RGS21: variants seen among roughly 807,000 people sequenced by gnomAD.
The protein encoded by RGS21 is regulator of G protein signaling 21.
Under a neutral mutation model 18.7 loss-of-function variants are expected in RGS21, and 19 were observed. The observed-to-expected ratio is 1.01, with a 90% CI of 0.71 to 1.49. RGS21 has a LOEUF of 1.49. Ranked by LOEUF, RGS21 falls within the 40% of genes most tolerant of loss-of-function variation. RGS21 has a pLI of 0.00. For synonymous variants in RGS21, 56 were observed against 57.8 expected (o/e 0.97, Z 0.14); for missense variants, 194 against 176.8 (o/e 1.10, Z -0.55).
At chr1:192,322,981 G>T (rs1008711687) in intron 1 of RGS21, among the ~76,000 whole-genome samples, 4 of 152,032 alleles carry the variant, frequency 2.6e-5, no homozygotes, top group African/African-American at 9.7e-5. Context: ...TATTAAGGGG[G>T]CGGGGATGGA....
intron 2 of RGS21, among the ~76,000 whole-genome samples, chr1:192,343,353 T>C (rs2102230157): frequency 6.6e-6 from 1 of 152,198 alleles, no homozygotes; most frequent in East Asian, 1.9e-4. Context: ...TACATGATTC[T>C]TGCAAAAATT....
At chr1:192,332,620 TA>T (rs1432701616) in intron 1 of RGS21, among the ~76,000 whole-genome samples, 1 of 152,086 alleles carries the variant, frequency 6.6e-6, no homozygotes, top group Non-Finnish European at 1.5e-5. Flanking sequence ...TTACCAAAAT[TA>T]AAAACCTTTG....
chr1:192,329,003 T>C, intron 1 of RGS21, among the ~76,000 whole-genome samples: 1 of 152,104 alleles, frequency 6.6e-6, no homozygotes, highest in Non-Finnish European at 1.5e-5. Context: ...TTCTCATAGA[T>C]CAACTTTACA....
At chr1:192,338,440 T>C (rs760840412) in intron 1 of RGS21, among the ~76,000 whole-genome samples, 3 of 152,144 alleles carry the variant, frequency 2.0e-5, no homozygotes, top group Non-Finnish European at 2.9e-5. Context: ...TTTCCTATTA[T>C]AATTTGAATA....
intron 4 of RGS21, among the ~76,000 whole-genome samples, chr1:192,361,968 G>A (rs1329178261): frequency 1.3e-5 from 2 of 152,082 alleles, no homozygotes; most frequent in African/African-American, 4.8e-5. Flanking sequence ...TGATAAAGGT[G>A]GAAGACAAAC....
At chr1:192,363,445 T>A (rs568951501) in intron 4 of RGS21, among the ~76,000 whole-genome samples, 3 of 152,228 alleles carry the variant, frequency 2.0e-5, no homozygotes, top group Admixed American at 2.0e-4. Context: ...AACAATATAG[T>A]TAATTGAAGA....
At chr1:192,333,368 T>C (rs1369706206) in intron 1 of RGS21, among the ~76,000 whole-genome samples, 1 of 151,840 alleles carries the variant, frequency 6.6e-6, no homozygotes, top group Non-Finnish European at 1.5e-5. Context: ...TGTATGTCTA[T>C]ACAAACACCT....
intron 1 of RGS21, among the ~76,000 whole-genome samples, chr1:192,333,381 A>G (rs191082751): frequency 1.1e-4 from 17 of 152,110 alleles, no homozygotes; most frequent in South Asian, 6.2e-4. Context: ...AAACACCTAC[A>G]CTATTCATAG....
intron 3 of RGS21, among the ~76,000 whole-genome samples, chr1:192,351,124 C>T (rs1571460006): frequency 6.6e-6 from 1 of 151,898 alleles, no homozygotes; most frequent in African/African-American, 2.4e-5. Flanking sequence ...AAGGATAATA[C>T]CTGGGAGGAG....
At chr1:192,320,771 G>A (rs1239370707) in intron 1 of RGS21, among the ~76,000 whole-genome samples, 3 of 151,854 alleles carry the variant, frequency 2.0e-5, no homozygotes, top group Non-Finnish European at 4.4e-5. Context: ...AAGAAACAAA[G>A]CAAATTTAGA....
In RGS21 at chr1:192,328,222, G is replaced by A. The variant is rs181510689; in HGVS notation, c.-61+11117G>A. 4.7e-4 allele frequency among the ~76,000 whole-genome samples: 71 copies of A among 152,208 alleles called. 1 individual carries two copies. The East Asian group carries it at 0.013, about 28-fold the overall frequency. On this transcript the variant is annotated intron_variant, in intron 1 of 4. Coordinates refer to ENST00000417209, the MANE Select transcript of RGS21 (RefSeq NM_001039152.3). ...CCAGGCTGGGCATGGCTCCGAGGGCGGCCAGGGACAGACGTATGATACAAG... is the reference window on the plus strand; with the variant it reads ...CCAGGCTGGGCATGGCTCCGAGGGCAGCCAGGGACAGACGTATGATACAAG...
chr1:192,318,932 C>T (rs1251601126), intron 1 of RGS21, among the ~76,000 whole-genome samples: 1 of 151,892 alleles, frequency 6.6e-6, no homozygotes, highest in Admixed American at 6.6e-5. Context: ...GAATAAAATC[C>T]ATTTTAAGAG....
At chr1:192,333,990 T>A (rs1658728202) in intron 1 of RGS21, among the ~76,000 whole-genome samples, 2 of 152,172 alleles carry the variant, frequency 1.3e-5, no homozygotes, top group Admixed American at 1.3e-4. Flanking sequence ...AGTAAAAACA[T>A]GTTTATGACT....
intron 4 of RGS21, among the ~76,000 whole-genome samples, chr1:192,360,485 G>A (rs1432948881): frequency 6.6e-6 from 1 of 151,974 alleles, no homozygotes; most frequent in Admixed American, 6.6e-5. Flanking sequence ...TTTATTCTCT[G>A]TGATGTTACC....
At position 192,343,058 on chromosome 1, in the gene RGS21, G is replaced by A. The variant is rs144033329; in HGVS notation, c.11+11G>A. Reference sequence around the variant, plus strand: ...AAAAATGCCAGTGAAGTGAGTTGCCGTTTCCAGCTATTTTTATCTCAGAAG... The same window carrying A: ...AAAAATGCCAGTGAAGTGAGTTGCCATTTCCAGCTATTTTTATCTCAGAAG... On this transcript the variant is annotated intron_variant, in intron 2 of 4. Transcript: ENST00000417209. The A allele has an allele frequency of 6.8e-6, 11 of 1,611,852 alleles. No individual in the cohort carries two copies. Among genetic ancestry groups the A allele is most frequent in the Admixed American group, 5.0e-5 (3 of 59,940 alleles).
chr1:192,322,220 A>G (rs1469823698), intron 1 of RGS21, among the ~76,000 whole-genome samples: 1 of 151,968 alleles, frequency 6.6e-6, no homozygotes. Flanking sequence ...GAAGCATGAC[A>G]TTCAAATATC....
intron 1 of RGS21, among the ~76,000 whole-genome samples, chr1:192,325,259 T>C (rs1658554035): frequency 6.6e-6 from 1 of 152,074 alleles, no homozygotes; most frequent in Non-Finnish European, 1.5e-5. Context: ...TTGCTTATGA[T>C]AATGACCTCC....
chr1:192,336,788 G>T (rs555625412), intron 1 of RGS21, among the ~76,000 whole-genome samples: 28 of 152,034 alleles, frequency 1.8e-4, no homozygotes, highest in African/African-American at 6.5e-4. Flanking sequence ...AAAAAAAAAT[G>T]ATATGAAAGC....
intron 1 of RGS21, among the ~76,000 whole-genome samples, chr1:192,328,579 CAT>C (rs1409760413): frequency 6.6e-6 from 1 of 152,112 alleles, no homozygotes; most frequent in African/African-American, 2.4e-5. Flanking sequence ...GATAAAAACT[CAT>C]TGTTGAAAAA....
Sources: gnomAD v4.1 joint callset for allele counts (sites outside exome capture counted in the v4.1 genomes callset) on GRCh38, gnomAD v4.1.1 for gene constraint, MANE v1.5 for transcripts, NCBI Gene and HGNC (gene_info 2026-07-23, HGNC 2026-07-21) for gene names.